CCDC12: variants seen among roughly 807,000 people sequenced by gnomAD.
The protein encoded by CCDC12 is coiled-coil domain-containing protein 12.
Under a neutral mutation model 25.7 loss-of-function variants are expected in CCDC12, and 28 were observed. That is an observed-to-expected ratio of 1.09 (90% CI 0.81 to 1.50). The LOEUF is 1.50. Ranked by LOEUF, CCDC12 falls within the 40% of genes most tolerant of loss-of-function variation. The pLI, the probability that CCDC12 is intolerant of heterozygous loss-of-function variation, is 0.00. For synonymous variants in CCDC12, 75 were observed against 87.7 expected (o/e 0.86, Z 0.81); for missense variants, 198 against 210.0 (o/e 0.94, Z 0.35).
chr3:46,922,528 C>G (rs539771326), intron 5 of CCDC12: 1 of 602,234 alleles, frequency 1.7e-6, no homozygotes, highest in South Asian at 2.0e-5. Context: ...GGACTAGCAT[C>G]ACAAACCCAC....
chr3:46,922,153 C>T lies in CCDC12; in HGVS notation c.419-14G>A. 1 of 1,614,246 alleles carries T rather than the reference C, an allele frequency of 6.2e-7. No individual in the cohort carries two copies. Among genetic ancestry groups the T allele is most frequent in the African/African-American group, 1.3e-5 (1 of 75,070 alleles). On this transcript the variant is annotated splice_polypyrimidine_tract_variant and intron_variant, in intron 6 of 6. Coordinates refer to ENST00000683445, the MANE Select transcript of CCDC12 (RefSeq NM_001277074.2). ...TCAGCCTTTCACCTGGGATGGATGGCAGACAGAAGGGGTGGGGAGGGGCCC... is the reference window on the plus strand; with the variant it reads ...TCAGCCTTTCACCTGGGATGGATGGTAGACAGAAGGGGTGGGGAGGGGCCC...
Position 46,923,797 on chromosome 3 carries a change from G to A in CCDC12, c.245-129C>T, listed in dbSNP as rs115701284. ...CCTTGCTCCCACCTCTGTGTGGCCC[G>A]CAACCAGCCAGAGGTGAAGACCCTG... On this transcript the variant is annotated intron_variant, in intron 3 of 6. Transcript: ENST00000683445. 1,091 of 712,992 alleles carry A rather than the reference G, an allele frequency of 1.5e-3. 9 individuals carry two copies. In the African/African-American group the frequency reaches 0.018, roughly 12 times the overall value. 44.2% of individuals were successfully genotyped at this position (712,992 alleles called of 1,614,324 possible). A position where few individuals can be genotyped will look rare whatever the true frequency, so the allele number is the denominator to read the frequency against.
chr3:46,925,483 T>C lies in CCDC12; in HGVS notation c.217A>G (p.Arg73Gly), dbSNP rs979031057. 8 of 1,610,018 alleles carry C rather than the reference T, an allele frequency of 5.0e-6. No homozygotes were observed. Among genetic ancestry groups the C allele is most frequent in the Non-Finnish European group, 6.8e-6 (8 of 1,176,994 alleles). ...VPEDEDLKKRRVPQAKPVAVE... is the reference protein window; with the variant it reads ...VPEDEDLKKRGVPQAKPVAVE... ...GCAACCGGTTTGGCCTGGGGCACCC[T>C]CCTCTTCTTCAGGTCCTCATCCTCC... is the stretch of plus-strand genomic sequence containing the variant. The change falls in exon 3 of 7, where the codon AGG (arginine) becomes GGG (glycine). Residue 73 changes from arginine (R) to glycine (G), a missense_variant. Arg to Gly is a moderately radical substitution (Grantham distance 125). Coordinates refer to ENST00000683445, the MANE Select transcript of CCDC12 (RefSeq NM_001277074.2).
chr3:46,939,825 C>T (rs905600943), intron 2 of CCDC12, among the ~76,000 whole-genome samples: 8 of 152,128 alleles, frequency 5.3e-5, no homozygotes, highest in Non-Finnish European at 5.9e-5. Context: ...AGATGAGGCC[C>T]GCATGTGGGG....
At chr3:46,978,250 A>C (rs148765786), upstream of CCDC12, among the ~76,000 whole-genome samples, 1 of 152,318 alleles carries the variant, frequency 6.6e-6, no homozygotes, top group Non-Finnish European at 1.5e-5. Flanking sequence ...TTGCTCTGCC[A>C]AGGCCTGGCA....
intron 2 of CCDC12, among the ~76,000 whole-genome samples, chr3:46,933,444 G>A (rs905754729): frequency 8.5e-5 from 13 of 152,248 alleles, no homozygotes; most frequent in South Asian, 2.1e-4. Flanking sequence ...CCTACCCAAA[G>A]GCCCCTGAGG....
At chr3:46,925,846 T>C (rs907585956) in intron 2 of CCDC12, among the ~76,000 whole-genome samples, 6 of 152,174 alleles carry the variant, frequency 3.9e-5, no homozygotes, top group African/African-American at 1.4e-4. Flanking sequence ...ATCATCCCAT[T>C]TGACAGATAA....
At chr3:46,964,223 C>G (rs1454521065) in intron 1 of CCDC12, among the ~76,000 whole-genome samples, 1 of 151,930 alleles carries the variant, frequency 6.6e-6, no homozygotes, top group Non-Finnish European at 1.5e-5. Flanking sequence ...TGCCCGGCAG[C>G]TGCCCCGTCT....
chr3:46,969,283 T>C (rs1017282622), intron 1 of CCDC12, among the ~76,000 whole-genome samples: 1 of 152,188 alleles, frequency 6.6e-6, no homozygotes, highest in African/African-American at 2.4e-5. Context: ...TACCTTGGCA[T>C]TGCTCCCACT....
intron 1 of CCDC12, among the ~76,000 whole-genome samples, chr3:46,969,821 G>C (rs964839075): frequency 6.6e-6 from 1 of 152,052 alleles, no homozygotes; most frequent in Admixed American, 6.5e-5. Context: ...GAGATGCACC[G>C]TCGAATAAGG....
At chr3:46,925,318 G>A (rs779583557) in intron 3 of CCDC12, 138 bp downstream of exon 3, 4 of 757,888 alleles carry the variant, frequency 5.3e-6, no homozygotes, top group Non-Finnish European at 9.5e-6. Context: ...TCTGCCATGA[G>A]ATGGTAACAA....
At chr3:46,972,346 T>C (rs1434775446) in intron 1 of CCDC12, among the ~76,000 whole-genome samples, 1 of 152,038 alleles carries the variant, frequency 6.6e-6, no homozygotes, top group Non-Finnish European at 1.5e-5. Context: ...ACTAAGAGAA[T>C]GAAAAGATAA....
In CCDC12 at chr3:46,922,021, C is replaced by A; in HGVS notation, c.*36G>T. On this transcript the variant is annotated 3_prime_UTR_variant, in exon 7 of 7. Transcript: ENST00000683445. ...CTGCCCAAGACCATCCTCTGCAGGA[C>A]AGGCCTGATGGGCGAGTGGTGGGGC... The A allele has an allele frequency of 6.2e-7, 1 of 1,609,394 alleles. No homozygotes were observed. Among genetic ancestry groups the A allele is most frequent in the Non-Finnish European group, 8.5e-7 (1 of 1,177,040 alleles).
chr3:46,924,003 T>G, intron 3 of CCDC12: 1 of 230,848 alleles, frequency 4.3e-6, no homozygotes, highest in Non-Finnish European at 8.4e-6. Flanking sequence ...TCTCACATAA[T>G]CCCAGGGCTC....
intron 1 of CCDC12, among the ~76,000 whole-genome samples, chr3:46,950,075 C>T (rs1240520222): frequency 6.6e-6 from 1 of 151,750 alleles, no homozygotes; most frequent in African/African-American, 2.4e-5. Flanking sequence ...TGACATCTTG[C>T]AGTGTCCCAA....
chr3:46,967,562 C>T (rs573717962), intron 1 of CCDC12, among the ~76,000 whole-genome samples: 1 of 152,314 alleles, frequency 6.6e-6, no homozygotes, highest in East Asian at 1.9e-4. Flanking sequence ...TCTTCCCAGC[C>T]TGGGCAGCTG....
intron 1 of CCDC12, among the ~76,000 whole-genome samples, chr3:46,947,369 TGCCGG>T (rs954341912): frequency 1.3e-5 from 2 of 152,194 alleles, no homozygotes; most frequent in African/African-American, 4.8e-5. Flanking sequence ...TGCAGCCCCA[TGCCGG>T]GGTGGAGGGA....
chr3:46,962,434 C>CA (rs33969115), intron 1 of CCDC12, among the ~76,000 whole-genome samples: 707 of 63,170 alleles, frequency 0.011, 21 homozygotes, highest in African/African-American at 0.042. Context: ...AACTCTATCT[C>CA]AAAAAAAAAA....
intron 2 of CCDC12, among the ~76,000 whole-genome samples, chr3:46,927,715 G>A (rs1461423317): frequency 5.3e-5 from 8 of 152,146 alleles, no homozygotes; most frequent in Non-Finnish European, 1.0e-4. Context: ...GGCTGTGCTG[G>A]GTGCATCCAG....
Sources: allele counts gnomAD v4.1 joint callset (sites outside exome capture counted in the v4.1 genomes callset), GRCh38; gene constraint gnomAD v4.1.1; transcripts MANE v1.5; gene names NCBI Gene and HGNC (gene_info 2026-07-23, HGNC 2026-07-21).